Variants in PCDHGA9 observed in about 807,000 individuals in gnomAD.
PCDHGA9 encodes protocadherin gamma-A9.
A neutral mutation model predicts 62.5 loss-of-function variants in PCDHGA9; 37 were observed. The observed-to-expected ratio is 0.59, with a 90% CI of 0.46 to 0.78. The LOEUF is 0.78. PCDHGA9 is among the 30% of genes least tolerant of loss of function. The pLI, the probability that PCDHGA9 is intolerant of heterozygous loss-of-function variation, is 0.00. For missense variants in PCDHGA9, 1,138 were observed against 1,166.2 expected (o/e 0.98, Z 0.35); for synonymous variants, 459 against 484.6 (o/e 0.95, Z 0.69).
At chr5:141,502,377 C>A (rs748121694) in intron 2 of PCDHGA9, among the ~76,000 whole-genome samples, 14 of 151,904 alleles carry the variant, frequency 9.2e-5, no homozygotes, top group Non-Finnish European at 1.3e-4. Flanking sequence ...AGAGTCCAGG[C>A]CAGTTGTACT....
At chr5:141,423,920 G>A (rs2096790804) in intron 1 of PCDHGA9, 2 of 1,258,728 alleles carry the variant, frequency 1.6e-6, no homozygotes, top group African/African-American at 1.6e-5. Flanking sequence ...ATTCAACTAT[G>A]CTGGTTTGGT....
Position 141,491,522 on chromosome 5 carries a change from A to G in PCDHGA9, c.2425-3285A>G, listed in dbSNP as rs778246278. ...TCGGACGGCACGCTCAAGTACATGG[A>G]GGTGACGCTGCGGCCCACAGACTCG... is the stretch of plus-strand genomic sequence containing the variant. On this transcript the variant is annotated intron_variant, in intron 1 of 3. Coordinates refer to ENST00000573521, the MANE Select transcript of PCDHGA9 (RefSeq NM_018921.3). The surrounding 1 kb of genome is among the most constrained non-coding windows in gnomAD (Gnocchi z 6.9). 8.1e-6 allele frequency: 13 copies of G among 1,614,024 alleles called. No homozygotes were observed. Among genetic ancestry groups the G allele is most frequent in the Non-Finnish European group, 1.1e-5 (13 of 1,180,002 alleles).
chr5:141,488,837 C>A (rs550655328), intron 1 of PCDHGA9, among the ~76,000 whole-genome samples: 1 of 152,280 alleles, frequency 6.6e-6, no homozygotes, highest in African/African-American at 2.4e-5. Context: ...GCCAAGGGGG[C>A]TGAATCAACC....
At chr5:141,414,099 A>G in intron 1 of PCDHGA9, 1 of 1,593,504 alleles carries the variant, frequency 6.3e-7, no homozygotes, top group Non-Finnish European at 8.5e-7. Flanking sequence ...TAAAAATATC[A>G]GAAAATCTAG....
At chr5:141,453,351 C>A (rs1210851703) in intron 1 of PCDHGA9, among the ~76,000 whole-genome samples, 2 of 151,738 alleles carry the variant, frequency 1.3e-5, no homozygotes, top group Non-Finnish European at 2.9e-5. Flanking sequence ...CCAGGCTGAC[C>A]CTGAACTCCT....
chr5:141,436,840 C>T (rs1195342311), intron 1 of PCDHGA9, among the ~76,000 whole-genome samples: 1 of 152,220 alleles, frequency 6.6e-6, no homozygotes, highest in Admixed American at 6.5e-5. Flanking sequence ...TGCCTAGGCA[C>T]ATTCTTGATT....
intron 1 of PCDHGA9, chr5:141,419,601 C>A (rs753678898): frequency 6.2e-7 from 1 of 1,611,818 alleles, no homozygotes; most frequent in Admixed American, 1.7e-5. Flanking sequence ...GTGCCGCGGG[C>A]CGCGCAGCCA....
chr5:141,413,400 G>A (rs1328176117), intron 1 of PCDHGA9: 4 of 1,614,060 alleles, frequency 2.5e-6, no homozygotes, highest in Non-Finnish European at 2.5e-6. Context: ...CCAGAGGTAG[G>A]ACGCAGCTTT....
intron 3 of PCDHGA9, among the ~76,000 whole-genome samples, chr5:141,510,162 A>C (rs947806998): frequency 6.6e-6 from 1 of 151,838 alleles, no homozygotes; most frequent in Non-Finnish European, 1.5e-5. Flanking sequence ...AATCTCAGCT[A>C]CTCAGGAGGT....
intron 1 of PCDHGA9, among the ~76,000 whole-genome samples, chr5:141,443,780 A>G (rs1337883957): frequency 6.6e-6 from 1 of 152,202 alleles, no homozygotes; most frequent in Non-Finnish European, 1.5e-5. Flanking sequence ...TACCAAAAAG[A>G]CAAAAAAAAT....
chr5:141,464,184 G>T (rs1348739162), intron 1 of PCDHGA9, among the ~76,000 whole-genome samples: 1 of 150,316 alleles, frequency 6.7e-6, no homozygotes, highest in Non-Finnish European at 1.5e-5. Flanking sequence ...AGAATTGCTT[G>T]ATTTCAGGAG....
intron 1 of PCDHGA9, among the ~76,000 whole-genome samples, chr5:141,454,658 G>T (rs961640658): frequency 1.3e-5 from 2 of 151,812 alleles, no homozygotes; most frequent in Non-Finnish European, 2.9e-5. Flanking sequence ...TGCCCACCTC[G>T]GCCTCCCAAA....
chr5:141,403,749 C>A lies in PCDHGA9; in HGVS notation c.797C>A (p.Ala266Asp). The A allele has an allele frequency of 6.2e-7, 1 of 1,613,652 alleles. No individual in the cohort carries two copies. The highest frequency in any genetic ancestry group is 1.3e-5 in the African/African-American group (1 of 74,958). The change falls in exon 1 of 4, where the codon GCC (alanine) becomes GAC (aspartate). Residue 266 changes from alanine to aspartate, a missense_variant. Coordinates refer to ENST00000573521, the MANE Select transcript of PCDHGA9 (RefSeq NM_018921.3). ...GGCACCTGGCTGCTTACTGCAACAG[C>A]CAGCGACCTGGATGAGGGAATCAAC... ...PPGTWLLTAT[A>D]SDLDEGINGK...
chr5:141,509,132 G>A (rs1261849657), intron 3 of PCDHGA9, among the ~76,000 whole-genome samples: 1 of 152,150 alleles, frequency 6.6e-6, no homozygotes, highest in Admixed American at 6.5e-5. Flanking sequence ...GAGAAAAACC[G>A]AGGCGCATCC....
intron 1 of PCDHGA9, chr5:141,427,962 G>C (rs767684725): frequency 5.0e-6 from 8 of 1,589,982 alleles, no homozygotes; most frequent in Non-Finnish European, 6.9e-6. Flanking sequence ...TGTGCCGCGG[G>C]TGCTGTACCC....
In PCDHGA9 at chr5:141,481,831, G is replaced by A. The variant is rs35816779; in HGVS notation, c.2425-12976G>A. On this transcript the variant is annotated intron_variant, in intron 1 of 3. Coordinates refer to ENST00000573521, the MANE Select transcript of PCDHGA9 (RefSeq NM_018921.3). ...ACCAGGCGTGGTGGCTGAGGCAGGAGAATCGCTTGATGGTGGAGGTTGCAG... is the reference window on the plus strand; with the variant it reads ...ACCAGGCGTGGTGGCTGAGGCAGGAAAATCGCTTGATGGTGGAGGTTGCAG... Among the ~76,000 whole-genome samples the A allele has an allele frequency of 1.9e-3, 280 of 149,560 alleles. 1 individual carries two copies. The highest frequency in any genetic ancestry group is 0.01 in the Middle Eastern group (3 of 290).
At chr5:141,443,977 AT>A (rs1443967001) in intron 1 of PCDHGA9, among the ~76,000 whole-genome samples, 1 of 152,020 alleles carries the variant, frequency 6.6e-6, no homozygotes, top group African/African-American at 2.4e-5. Context: ...CATCTAAGCT[AT>A]GTTAATTTTA....
In PCDHGA9 at chr5:141,432,011, TACA is replaced by T. The variant is rs1296391274; in HGVS notation, c.2424+26639_2424+26641del. 2 of 1,614,202 alleles carry T rather than the reference TACA, an allele frequency of 1.2e-6. No homozygotes were observed. Among genetic ancestry groups the T allele is most frequent in the South Asian group, 2.2e-5 (2 of 91,084 alleles). On this transcript the variant is annotated intron_variant, in intron 1 of 3. Transcript: ENST00000573521. This position sits in a 1 kb window ranked among gnomAD's most constrained non-coding sequence, Gnocchi z 6.0. The stretch of plus-strand genomic sequence containing the variant: ...CTTGGATAGGGAACAGGTTCCTAGC[TACA>T]ACATCACAGTGACCGCCACTGACCG...
intron 1 of PCDHGA9, among the ~76,000 whole-genome samples, chr5:141,407,384 G>A (rs911492449): frequency 1.3e-5 from 2 of 152,182 alleles, no homozygotes; most frequent in Non-Finnish European, 2.9e-5. Flanking sequence ...AGGCTTGTAT[G>A]TCATGGTAGG....
Sources: gnomAD v4.1 joint callset for allele counts (sites outside exome capture counted in the v4.1 genomes callset) on GRCh38, gnomAD v4.1.1 for gene constraint, Gnocchi (gnomAD v3.1) non-coding constraint, MANE v1.5 for transcripts, NCBI Gene and HGNC (gene_info 2026-07-23, HGNC 2026-07-21) for gene names.